CACNA2D2: variants seen among roughly 807,000 people sequenced by gnomAD.
The protein encoded by CACNA2D2 is voltage-dependent calcium channel subunit alpha-2/delta-2.
In CACNA2D2, 48 loss-of-function variants were observed where a neutral mutation model predicts 166.4. That is an observed-to-expected ratio of 0.29 (90% CI 0.23 to 0.37). The LOEUF (loss-of-function observed/expected upper bound fraction) is 0.37. CACNA2D2 is among the 10% of genes least tolerant of loss of function. CACNA2D2 has a pLI of 1.00. For missense variants in CACNA2D2, 1,122 were observed against 1,433.0 expected (o/e 0.78, Z 3.50); for synonymous variants, 561 against 573.7 (o/e 0.98, Z 0.32).
intron 16 of CACNA2D2, 81 bp from the exon 17 acceptor site, chr3:50,377,622 C>T: frequency 1.3e-6 from 2 of 1,568,066 alleles, no homozygotes; most frequent in South Asian, 1.1e-5. Flanking sequence ...AAGCTGCTCT[C>T]ACAGGCAGTG....
intron 3 of CACNA2D2, among the ~76,000 whole-genome samples, chr3:50,416,905 G>A (rs1707288414): frequency 6.6e-6 from 1 of 152,196 alleles, no homozygotes; most frequent in African/African-American, 2.4e-5. Context: ...GATACACGTG[G>A]GCATGATGGG....
intron 3 of CACNA2D2, among the ~76,000 whole-genome samples, chr3:50,412,547 C>T (rs1559923677): frequency 6.8e-6 from 1 of 147,522 alleles, no homozygotes; most frequent in Non-Finnish European, 1.5e-5. Context: ...GGGCACTCAA[C>T]AGCCCTAGGC....
In CACNA2D2 at chr3:50,375,907, A is replaced by G. The variant is rs1179241463; in HGVS notation, c.1774-27T>C. ...TGGAAGGGCCAGAGATGTGAGGGGC[A>G]GGGCCCCTACACTCCTCTGCTCTGT... is the stretch of plus-strand genomic sequence containing the variant. On this transcript the variant is annotated intron_variant, in intron 19 of 37. Coordinates refer to ENST00000424201, the MANE Select transcript of CACNA2D2 (RefSeq NM_006030.4). The surrounding 1 kb of genome is among the most constrained non-coding windows in gnomAD (Gnocchi z 4.0). 3 of 1,611,402 alleles carry G rather than the reference A, an allele frequency of 1.9e-6. No homozygotes were observed. Among genetic ancestry groups the G allele is most frequent in the Non-Finnish European group, 1.7e-6 (2 of 1,178,624 alleles).
chr3:50,424,747 G>A (rs1013826654), intron 3 of CACNA2D2, among the ~76,000 whole-genome samples: 20 of 152,202 alleles, frequency 1.3e-4, no homozygotes, highest in African/African-American at 4.6e-4. Context: ...GGAACCTGAG[G>A]CACCCAGTAT....
chr3:50,463,839 G>GGAGGGAGGACC (rs1709698307), intron 2 of CACNA2D2, among the ~76,000 whole-genome samples: 1 of 152,244 alleles, frequency 6.6e-6, no homozygotes, highest in Non-Finnish European at 1.5e-5. Context: ...TGAGTCCCAG[G>GGAGGGAGGACC]GAGGGAGGAC....
At chr3:50,502,930 C>G (rs1018422925) in intron 1 of CACNA2D2, among the ~76,000 whole-genome samples, 1 of 150,554 alleles carries the variant, frequency 6.6e-6, no homozygotes, top group Non-Finnish European at 1.5e-5. Context: ...CTGACAAGCT[C>G]GGACCGCCCC....
At chr3:50,385,382 C>A (rs760150799) in intron 5 of CACNA2D2, among the ~76,000 whole-genome samples, 2 of 152,174 alleles carry the variant, frequency 1.3e-5, no homozygotes, top group African/African-American at 2.4e-5. Context: ...CACCCTCAGC[C>A]CAGGCTTAGC....
At chr3:50,438,844 G>A (rs181571376) in intron 2 of CACNA2D2, among the ~76,000 whole-genome samples, 3 of 152,364 alleles carry the variant, frequency 2.0e-5, no homozygotes, top group Admixed American at 1.3e-4. Context: ...GAGGGGAAAG[G>A]AGAGTGGGGA....
chr3:50,502,280 A>G (rs1248752891), intron 1 of CACNA2D2, among the ~76,000 whole-genome samples: 1 of 152,220 alleles, frequency 6.6e-6, no homozygotes, highest in East Asian at 1.9e-4. Context: ...CCGGAGACAG[A>G]TAACAGAAGC....
At chr3:50,416,964 C>T (rs1011752871) in intron 3 of CACNA2D2, among the ~76,000 whole-genome samples, 1 of 152,212 alleles carries the variant, frequency 6.6e-6, no homozygotes, top group Non-Finnish European at 1.5e-5. Context: ...GTGTGCATGT[C>T]CACTGCAGGT....
intron 3 of CACNA2D2, among the ~76,000 whole-genome samples, chr3:50,426,546 A>T (rs1434127920): frequency 6.6e-6 from 1 of 152,120 alleles, no homozygotes; most frequent in Non-Finnish European, 1.5e-5. Context: ...AACTTCAGCC[A>T]CTAGGGAGAA....
intron 23 of CACNA2D2, among the ~76,000 whole-genome samples, chr3:50,368,936 C>T (rs1313928988): frequency 1.3e-5 from 2 of 152,216 alleles, no homozygotes; most frequent in African/African-American, 4.8e-5. Context: ...GTGGAGCTCT[C>T]TCTCGCTCGA....
In CACNA2D2 at chr3:50,367,579, G is replaced by A. The variant is rs1027173854; in HGVS notation, c.2297+63C>T. The A allele has an allele frequency of 1.3e-5, 21 of 1,603,548 alleles. No individual in the cohort carries two copies. Among genetic ancestry groups the A allele is most frequent in the Non-Finnish European group, 1.7e-5 (20 of 1,172,980 alleles). Reference sequence around the variant, plus strand: ...TCTCCACAGATGCAAGGAGGCCTCTGGGCAGAACAGATGCAGGTTCCCTGG... The same window carrying A: ...TCTCCACAGATGCAAGGAGGCCTCTAGGCAGAACAGATGCAGGTTCCCTGG... On this transcript the variant is annotated intron_variant, in intron 26 of 37. Coordinates refer to ENST00000424201, the MANE Select transcript of CACNA2D2 (RefSeq NM_006030.4). This position sits in a 1 kb window ranked among gnomAD's most constrained non-coding sequence, Gnocchi z 6.5.
At chr3:50,455,542 T>C (rs1408549300) in intron 2 of CACNA2D2, among the ~76,000 whole-genome samples, 2 of 152,160 alleles carry the variant, frequency 1.3e-5, no homozygotes, top group Admixed American at 6.5e-5. Context: ...AAGGAATAAT[T>C]AGAAAATAAA....
At chr3:50,499,264 C>G (rs1256941730) in intron 1 of CACNA2D2, among the ~76,000 whole-genome samples, 2 of 152,190 alleles carry the variant, frequency 1.3e-5, no homozygotes, top group Non-Finnish European at 2.9e-5. Flanking sequence ...ACAGTCATGG[C>G]AGGGCAGCAT....
intron 2 of CACNA2D2, among the ~76,000 whole-genome samples, chr3:50,442,283 T>A (rs1179110950): frequency 6.6e-6 from 1 of 152,096 alleles, no homozygotes; most frequent in East Asian, 1.9e-4. Context: ...TATGCCAGCA[T>A]GAGGCACACT....
intron 2 of CACNA2D2, among the ~76,000 whole-genome samples, chr3:50,467,927 T>C (rs1709888630): frequency 6.6e-6 from 1 of 152,240 alleles, no homozygotes. Flanking sequence ...ATCTCCTGTC[T>C]GGTTGTGGGG....
chr3:50,413,790 T>C (rs1707141371), intron 3 of CACNA2D2, among the ~76,000 whole-genome samples: 1 of 152,136 alleles, frequency 6.6e-6, no homozygotes, highest in African/African-American at 2.4e-5. Context: ...GAGGTTGCAG[T>C]GAGCCGAGAC....
chr3:50,439,842 G>A (rs1253215174), intron 2 of CACNA2D2, among the ~76,000 whole-genome samples: 2 of 152,228 alleles, frequency 1.3e-5, no homozygotes, highest in East Asian at 1.9e-4. Context: ...ATGAGGTAGG[G>A]CGATTGGCGA....
Sources: gnomAD v4.1 joint callset for allele counts (sites outside exome capture counted in the v4.1 genomes callset) on GRCh38, gnomAD v4.1.1 for gene constraint, Gnocchi (gnomAD v3.1) non-coding constraint, MANE v1.5 for transcripts, NCBI Gene and HGNC (gene_info 2026-07-23, HGNC 2026-07-21) for gene names.